Variants in CDC42BPA observed in about 807,000 individuals in gnomAD.
CDC42BPA encodes serine/threonine-protein kinase MRCK alpha.
Under a neutral mutation model 223.5 loss-of-function variants are expected in CDC42BPA, and 80 were observed. The observed-to-expected ratio is 0.36, with a 90% confidence interval of 0.30 to 0.43. The LOEUF (loss-of-function observed/expected upper bound fraction) is 0.43. Ranked by LOEUF, CDC42BPA falls within the 20% of genes least tolerant of loss-of-function variation. The pLI, the probability that CDC42BPA is intolerant of heterozygous loss-of-function variation, is 1.00. For missense variants in CDC42BPA, 1,743 were observed against 2,099.9 expected, an observed-to-expected ratio of 0.83 and a Z score of 3.32; for synonymous variants, 694 against 718.6, an observed-to-expected ratio of 0.97 and a Z score of 0.55.
chr1:227,159,203 T>C (rs559232138), intron 6 of CDC42BPA, among the ~76,000 whole-genome samples: 5 of 152,280 alleles, frequency 3.3e-5, no homozygotes, highest in African/African-American at 1.2e-4. Context: ...TTTTCCAAAG[T>C]TGGCCGGGCA....
Position 227,073,896 on chromosome 1 carries a change from A to C in CDC42BPA, c.2703T>G (p.Asn901Lys). 6.2e-7 allele frequency: 1 copy of C among 1,607,604 alleles called. No homozygotes were observed. Among genetic ancestry groups the C allele is most frequent in the Non-Finnish European group, 8.5e-7 (1 of 1,178,062 alleles). The change falls in exon 19 of 37, where the codon AAT becomes AAG. Residue 901 changes from asparagine (N) to lysine (K), a missense_variant. Asn to Lys is a moderately conservative substitution (Grantham distance 94, BLOSUM62 0). Coordinates refer to ENST00000366766, the MANE Select transcript of CDC42BPA (RefSeq NM_001394014.1). ...RAKQAIQEEL[N>K]KVKASNIITE... ...TTATGATATTAGATGCTTTAACTTT[A>C]TTCAACTCTTCTTGGATGGCCTGTT...
At chr1:227,175,594 T>C (rs1385144185) in intron 5 of CDC42BPA, among the ~76,000 whole-genome samples, 2 of 152,194 alleles carry the variant, frequency 1.3e-5, no homozygotes, top group Admixed American at 1.3e-4. Context: ...TATGCACTCA[T>C]TAAAACTCAT....
At chr1:227,229,956 ACT>A (rs1367535242) in intron 2 of CDC42BPA, among the ~76,000 whole-genome samples, 85 of 152,300 alleles carry the variant, frequency 5.6e-4, no homozygotes, top group African/African-American at 2.0e-3. Context: ...AGTCTTAAGA[ACT>A]GATTTGATTG....
intron 3 of CDC42BPA, among the ~76,000 whole-genome samples, chr1:227,206,759 T>C (rs1412429892): frequency 6.6e-6 from 1 of 152,172 alleles, no homozygotes; most frequent in Non-Finnish European, 1.5e-5. Context: ...TTTTCTCAAA[T>C]AGTTTGAGGA....
At chr1:227,158,801 G>A (rs1482548811) in intron 6 of CDC42BPA, among the ~76,000 whole-genome samples, 1 of 152,076 alleles carries the variant, frequency 6.6e-6, no homozygotes, top group Non-Finnish European at 1.5e-5. Flanking sequence ...AGCCTCATAT[G>A]GTCTTGTGGT....
chr1:227,045,732 G>C (rs1672309987), intron 23 of CDC42BPA, among the ~76,000 whole-genome samples: 1 of 152,008 alleles, frequency 6.6e-6, no homozygotes, highest in African/African-American at 2.4e-5. Flanking sequence ...TTTAACTTGA[G>C]ACTTCTTGTT....
In CDC42BPA at chr1:227,109,861, T is replaced by C. The variant is rs757897861; in HGVS notation, c.2001+2451A>G. 9.2e-5 allele frequency among the ~76,000 whole-genome samples: 14 copies of C among 151,678 alleles called. No individual in the cohort carries two copies. The South Asian group carries it at 2.5e-3, about 27-fold the overall frequency. On this transcript the variant is annotated intron_variant, in intron 14 of 36. Transcript: ENST00000366766. ...ACTCCGTTATACTCTTAAGGGACCA[T>C]TGTTGTATATGCAGTCTGTGGCTGA... is the stretch of plus-strand genomic sequence containing the variant.
rs981111273 is a variant in CDC42BPA at position 227,238,881 on chromosome 1, T to C, written c.270+15183A>G. Among the ~76,000 whole-genome samples the C allele has an allele frequency of 3.3e-5, 5 of 152,184 alleles. No individual in the cohort carries two copies. In the East Asian group the frequency reaches 9.6e-4, roughly 29 times the overall value. The stretch of plus-strand genomic sequence containing the variant: ...GGAAATACAGACATACCCACAATTA[T>C]ATTTGAAAACTTTAAAACCCTCTTC... On this transcript the variant is annotated intron_variant, in intron 2 of 36. Transcript: ENST00000366766.
intron 1 of CDC42BPA, among the ~76,000 whole-genome samples, chr1:227,311,723 CATA>C (rs1693571829): frequency 7.0e-6 from 1 of 143,450 alleles, no homozygotes; most frequent in Non-Finnish European, 1.5e-5. Flanking sequence ...AATACCCAAT[CATA>C]AAAAAAAAAA....
At chr1:227,018,312 T>C (rs755945552) in intron 32 of CDC42BPA, among the ~76,000 whole-genome samples, 2 of 152,228 alleles carry the variant, frequency 1.3e-5, no homozygotes, top group Non-Finnish European at 2.9e-5. Context: ...AGGGTGGCAA[T>C]GGGAGATTTT....
At chr1:227,086,540 T>C (rs1681943081) in intron 16 of CDC42BPA, among the ~76,000 whole-genome samples, 2 of 152,258 alleles carry the variant, frequency 1.3e-5, no homozygotes, top group Non-Finnish European at 2.9e-5. Flanking sequence ...AGTATCTTGC[T>C]GTGGTTTTAA....
Position 227,294,617 on chromosome 1 carries a change from T to C in CDC42BPA, c.178+22388A>G, listed in dbSNP as rs1319838041. On this transcript the variant is annotated intron_variant, in intron 1 of 36. Coordinates refer to ENST00000366766, the MANE Select transcript of CDC42BPA (RefSeq NM_001394014.1). Reference sequence around the variant, plus strand: ...GGCTCACGCCTGTAATCCCAGCACTTTGGGAGGCCGAGGCGGGCGGATCAC... The same window carrying C: ...GGCTCACGCCTGTAATCCCAGCACTCTGGGAGGCCGAGGCGGGCGGATCAC... Among the ~76,000 whole-genome samples the C allele has an allele frequency of 2.7e-5, 2 of 72,980 alleles. 1 individual carries two copies. The highest frequency in any genetic ancestry group is 5.7e-5 in the Non-Finnish European group (2 of 34,978). The allele number at this position is 72,980 out of a possible 152,430, so 47.9% of individuals were successfully genotyped here. A position where few individuals can be genotyped will look rare whatever the true frequency, so the allele number is the denominator to read the frequency against.
chr1:227,102,884 G>C (rs941887342), intron 14 of CDC42BPA, among the ~76,000 whole-genome samples: 1 of 151,954 alleles, frequency 6.6e-6, no homozygotes, highest in African/African-American at 2.4e-5. Flanking sequence ...GATAATCTCA[G>C]TATGTACCCC....
intron 1 of CDC42BPA, among the ~76,000 whole-genome samples, chr1:227,255,503 A>T (rs1181923799): frequency 6.6e-6 from 1 of 152,150 alleles, no homozygotes; most frequent in African/African-American, 2.4e-5. Flanking sequence ...AGAGAAAAAA[A>T]TTAGCTGAAC....
At chr1:227,100,051 TC>T (rs1684728325) in intron 15 of CDC42BPA, among the ~76,000 whole-genome samples, 1 of 152,184 alleles carries the variant, frequency 6.6e-6, no homozygotes, top group South Asian at 2.1e-4. Flanking sequence ...AATTTGGGCT[TC>T]CAATATAAGC....
At chr1:227,160,341 A>T (rs771336191) in intron 6 of CDC42BPA, among the ~76,000 whole-genome samples, 1 of 152,202 alleles carries the variant, frequency 6.6e-6, no homozygotes, top group Non-Finnish European at 1.5e-5. Context: ...CACTGATATA[A>T]GCAGCTGAAA....
intron 9 of CDC42BPA, among the ~76,000 whole-genome samples, chr1:227,141,078 G>A (rs1212863662): frequency 6.6e-6 from 1 of 152,186 alleles, no homozygotes; most frequent in East Asian, 1.9e-4. Flanking sequence ...TGGCAAATAA[G>A]ATGAGACTAA....
At chr1:227,126,978 T>C (rs1689784454) in intron 11 of CDC42BPA, among the ~76,000 whole-genome samples, 1 of 152,064 alleles carries the variant, frequency 6.6e-6, no homozygotes, top group African/African-American at 2.4e-5. Flanking sequence ...ATAAAACTGT[T>C]CCCACCTGCA....
chr1:227,309,216 A>T (rs997063398), intron 1 of CDC42BPA, among the ~76,000 whole-genome samples: 10 of 151,708 alleles, frequency 6.6e-5, no homozygotes, highest in South Asian at 2.1e-4. Flanking sequence ...AAAAAAAAAA[A>T]AAAAAATAAG....
Sources: gnomAD v4.1 joint callset for allele counts (sites outside exome capture counted in the v4.1 genomes callset) on GRCh38, gnomAD v4.1.1 for gene constraint, MANE v1.5 for transcripts, NCBI Gene and HGNC (gene_info 2026-07-23, HGNC 2026-07-21) for gene names.